CAPRIN2: variants seen among roughly 807,000 people sequenced by gnomAD.
CAPRIN2 encodes the protein caprin family member 2.
CAPRIN2 carries 66 observed loss-of-function variants against 130.4 expected under a neutral mutation model. The observed-to-expected ratio is 0.51, with a 90% CI of 0.42 to 0.62. The LOEUF is 0.62. Among genes scored for constraint, CAPRIN2 ranks in the 20% least tolerant of loss-of-function variants. CAPRIN2 has a pLI of 0.00. For missense variants in CAPRIN2, 1,185 were observed against 1,246.6 expected (o/e 0.95, Z 0.74); for synonymous variants, 471 against 444.1 (o/e 1.06, Z -0.76).
chr12:30,731,467 G>C, exon 6 of CAPRIN2: 1 of 1,612,896 alleles, frequency 6.2e-7, no homozygotes. Context: ...TTTCAAAATA[G>C]CCTGAGTTCA....
intron 9 of CAPRIN2, 89 bp from the exon 11 acceptor site, chr12:30,724,540 G>A: frequency 1.2e-6 from 1 of 859,566 alleles, no homozygotes; most frequent in South Asian, 1.4e-5. Context: ...GCTGCCTATA[G>A]TCTATTAGCT....
chr12:30,714,537 A>C (rs1370405559), intron 14 of CAPRIN2, among the ~76,000 whole-genome samples: 1 of 152,164 alleles, frequency 6.6e-6, no homozygotes, highest in South Asian at 2.1e-4. Context: ...TGGAACCATA[A>C]CAACAGTTTA....
At chr12:30,742,673 C>T (rs1450576627) in intron 2 of CAPRIN2, among the ~76,000 whole-genome samples, 2 of 146,196 alleles carry the variant, frequency 1.4e-5, no homozygotes, top group Non-Finnish European at 3.0e-5. Context: ...AAACACAACT[C>T]TAACAGGGCA....
At chr12:30,748,517 A>G (rs1303036213) in intron 2 of CAPRIN2, among the ~76,000 whole-genome samples, 1 of 152,256 alleles carries the variant, frequency 6.6e-6, no homozygotes. Context: ...ACAGTATAGG[A>G]CAAATGTAAC....
rs1234873499 is a variant in CAPRIN2 at position 30,753,882 on chromosome 12, C to G, written c.-119G>C. On this transcript the variant is annotated 5_prime_UTR_variant, in exon 1 of 17. Transcript: ENST00000298892. ...TTTTCCACATAGGGAGGAAGAACTGCAACGGCTTCAGAGCTCCTTTCTTCT... is the reference window on the plus strand; with the variant it reads ...TTTTCCACATAGGGAGGAAGAACTGGAACGGCTTCAGAGCTCCTTTCTTCT... 32 of 942,042 alleles carry G rather than the reference C, an allele frequency of 3.4e-5. No homozygotes were observed. In the South Asian group the frequency reaches 4.6e-4, roughly 14 times the overall value. 58.4% of individuals were successfully genotyped at this position (942,042 alleles called of 1,614,324 possible).
intron 8 of CAPRIN2, among the ~76,000 whole-genome samples, chr12:30,727,989 T>C (rs1488831153): frequency 6.6e-6 from 1 of 152,162 alleles, no homozygotes; most frequent in African/African-American, 2.4e-5. Flanking sequence ...TGACAACAAA[T>C]GAAATACAGT....
chr12:30,721,220 T>C (rs2059314335), intron 11 of CAPRIN2, among the ~76,000 whole-genome samples: 1 of 152,196 alleles, frequency 6.6e-6, no homozygotes, highest in Non-Finnish European at 1.5e-5. Flanking sequence ...ACACTGCCTG[T>C]CCAGGCCTGG....
chr12:30,716,560 C>T (rs749384115), exon 13 of CAPRIN2: 1 of 1,613,980 alleles, frequency 6.2e-7, no homozygotes, highest in African/African-American at 1.3e-5. Flanking sequence ...GCAGTTGGCA[C>T]TGGGGTGGTG....
At chr12:30,752,271 T>C (rs970897200) in intron 1 of CAPRIN2, among the ~76,000 whole-genome samples, 5 of 152,070 alleles carry the variant, frequency 3.3e-5, no homozygotes, top group Non-Finnish European at 5.9e-5. Flanking sequence ...GTATTGGCTT[T>C]AGTGGAAAAA....
chr12:30,720,810 C>A lies in CAPRIN2; in HGVS notation c.2148+1G>T. 6.4e-7 allele frequency: 1 copy of A among 1,569,158 alleles called. No homozygotes were observed. Among genetic ancestry groups the A allele is most frequent in the Non-Finnish European group, 8.8e-7 (1 of 1,139,634 alleles). The stretch of plus-strand genomic sequence containing the variant: ...AGAAATTAAGACAATTGGTCTTTTA[C>A]CTCAGGAGTCTCTGAGGTCATAAAC... On this transcript the variant is annotated splice_donor_variant, in intron 12 of 16. Transcript: ENST00000298892. LOFTEE classifies it high-confidence loss of function.
intron 11 of CAPRIN2, among the ~76,000 whole-genome samples, chr12:30,722,683 G>A (rs749478258): frequency 1.3e-5 from 2 of 151,952 alleles, no homozygotes; most frequent in Non-Finnish European, 2.9e-5. Flanking sequence ...GGTGGATCAC[G>A]AGGTCAGGAG....
intron 2 of CAPRIN2, among the ~76,000 whole-genome samples, chr12:30,747,473 T>A (rs1052342012): frequency 5.3e-5 from 8 of 151,758 alleles, no homozygotes; most frequent in Admixed American, 4.6e-4. Context: ...TGGTCGGGAG[T>A]TCGAGACCAG....
chr12:30,715,851 A>G (rs1009492115), intron 13 of CAPRIN2: 1 of 160,662 alleles, frequency 6.2e-6, no homozygotes, highest in Admixed American at 6.0e-5. Flanking sequence ...ATCTATGCCT[A>G]GGTCCCAGAA....
chr12:30,740,274 CAT>C (rs1404113440), intron 3 of CAPRIN2, among the ~76,000 whole-genome samples: 1 of 137,012 alleles, frequency 7.3e-6, no homozygotes, highest in Non-Finnish European at 1.7e-5. Context: ...GTCTCTAAAA[CAT>C]AATAAAAAAA....
chr12:30,732,316 T>G (rs1480536120), intron 5 of CAPRIN2, among the ~76,000 whole-genome samples: 16 of 152,052 alleles, frequency 1.1e-4, no homozygotes, highest in Admixed American at 1.0e-3. Flanking sequence ...TAGTCTATTA[T>G]TCCTTTCACA....
At chr12:30,747,898 T>C (rs1656540410) in intron 2 of CAPRIN2, among the ~76,000 whole-genome samples, 1 of 152,142 alleles carries the variant, frequency 6.6e-6, no homozygotes, top group African/African-American at 2.4e-5. Context: ...TGGATGACTC[T>C]GAGGGGGTTC....
At chr12:30,718,051 G>A (rs567911232) in intron 12 of CAPRIN2, among the ~76,000 whole-genome samples, 1 of 152,320 alleles carries the variant, frequency 6.6e-6, no homozygotes, top group East Asian at 1.9e-4. Flanking sequence ...AACAGGCAGA[G>A]AAAACAGATT....
At chr12:30,728,150 C>CAAG (rs2061476731) in intron 8 of CAPRIN2, among the ~76,000 whole-genome samples, 3 of 152,248 alleles carry the variant, frequency 2.0e-5, no homozygotes, top group Admixed American at 6.5e-5. Flanking sequence ...AATTTCATCT[C>CAAG]AGATTAGACT....
At chr12:30,743,894 T>C (rs2068652722) in intron 2 of CAPRIN2, among the ~76,000 whole-genome samples, 1 of 152,152 alleles carries the variant, frequency 6.6e-6, no homozygotes, top group African/African-American at 2.4e-5. Context: ...ACAGGTGATA[T>C]TTCTATCGGC....
Sources: gnomAD v4.1 joint callset for allele counts (sites outside exome capture counted in the v4.1 genomes callset) on GRCh38, gnomAD v4.1.1 for gene constraint, MANE v1.5 for transcripts, NCBI Gene and HGNC (gene_info 2026-07-23, HGNC 2026-07-21) for gene names.